CDK8: variants seen among roughly 807,000 people sequenced by gnomAD.
CDK8 encodes the protein cyclin dependent kinase 8, also known as cyclin-dependent kinase 8.
In CDK8, 29 loss-of-function variants were observed where a neutral mutation model predicts 71.5. The observed-to-expected ratio is 0.41, with a 90% CI of 0.30 to 0.55. CDK8 has a LOEUF of 0.55. Ranked by LOEUF, CDK8 falls within the 20% of genes least tolerant of loss-of-function variation. CDK8 has a pLI of 0.37. For synonymous variants in CDK8, 161 were observed against 192.1 expected (o/e 0.84, Z 1.34); for missense variants, 288 against 572.6 (o/e 0.50, Z 5.07).
intron 1 of CDK8, among the ~76,000 whole-genome samples, chr13:26,304,627 GTTTTA>G (rs1404070491): frequency 4.0e-5 from 6 of 151,652 alleles, no homozygotes; most frequent in Non-Finnish European, 8.8e-5. Flanking sequence ...TGACAATTAT[GTTTTA>G]TTTTATTTTA....
intron 2 of CDK8, among the ~76,000 whole-genome samples, chr13:26,346,266 A>G (rs1383330541): frequency 6.6e-6 from 1 of 152,336 alleles, no homozygotes; most frequent in African/African-American, 2.4e-5. Context: ...GCCTAGTACC[A>G]TACTTGGCAT....
chr13:26,312,706 G>A lies in CDK8; in HGVS notation c.129-24861G>A, dbSNP rs187341537. Among the ~76,000 whole-genome samples, 31 of 152,316 alleles carry A rather than the reference G, an allele frequency of 2.0e-4. No individual in the cohort carries two copies. In the East Asian group the frequency reaches 4.8e-3, roughly 24 times the overall value. ...CAGCGAGACCAAGAACCCACCAGAA[G>A]GAACCAATTCCGGGCACAGAGGGGT... On this transcript the variant is annotated intron_variant, in intron 1 of 12. Transcript: ENST00000381527.
chr13:26,336,577 G>A (rs1236090367), intron 1 of CDK8, among the ~76,000 whole-genome samples: 3 of 130,676 alleles, frequency 2.3e-5, no homozygotes, highest in African/African-American at 6.5e-5. Flanking sequence ...TTTTTGAGAC[G>A]GAGTCTCGCT....
chr13:26,350,920 T>C (rs1271058719), intron 3 of CDK8, among the ~76,000 whole-genome samples: 1 of 152,102 alleles, frequency 6.6e-6, no homozygotes, highest in Non-Finnish European at 1.5e-5. Flanking sequence ...AACTATAAAA[T>C]TTGCTCTTTT....
rs558813688 is a variant in CDK8 at position 26,403,558 on chromosome 13, G to A, written c.1270-398G>A. On this transcript the variant is annotated intron_variant, in intron 12 of 12. Transcript: ENST00000381527. ...ATACTCACTTTTACTCTTCAGTCAT[G>A]TGTGTGGGGGTGAGTTTTCTACTGA... Among the ~76,000 whole-genome samples the A allele has an allele frequency of 3.0e-4, 45 of 152,248 alleles. No homozygotes were observed. The South Asian group carries it at 8.9e-3, about 30-fold the overall frequency.
intron 4 of CDK8, chr13:26,359,723 TC>T: frequency 2.3e-6 from 1 of 438,040 alleles, no homozygotes; most frequent in South Asian, 1.6e-5. Flanking sequence ...TTTCTTCTTT[TC>T]TTTTTTTTGA....
chr13:26,284,151 A>G (rs1327672288), intron 1 of CDK8, among the ~76,000 whole-genome samples: 5 of 152,226 alleles, frequency 3.3e-5, no homozygotes, highest in Admixed American at 2.6e-4. Flanking sequence ...GGTGCTGAGA[A>G]GAAAGGTCAT....
intron 1 of CDK8, among the ~76,000 whole-genome samples, chr13:26,259,002 G>T (rs577774116): frequency 6.6e-6 from 1 of 152,236 alleles, no homozygotes; most frequent in South Asian, 2.1e-4. Flanking sequence ...CCATTCAGTT[G>T]GTGGGCAGCA....
intron 1 of CDK8, among the ~76,000 whole-genome samples, chr13:26,276,878 C>T (rs1872579838): frequency 6.6e-6 from 1 of 152,140 alleles, no homozygotes; most frequent in Non-Finnish European, 1.5e-5. Context: ...AATATGCTGA[C>T]TAAATTCAAT....
chr13:26,273,703 T>C (rs1178103258), intron 1 of CDK8, among the ~76,000 whole-genome samples: 7 of 151,952 alleles, frequency 4.6e-5, no homozygotes, highest in African/African-American at 1.7e-4. Context: ...TTGTACTAAA[T>C]AGCTAGGTCT....
chr13:26,353,820 A>G lies in CDK8; in HGVS notation c.396A>G (p.Leu132=), dbSNP rs1873781575. 2 of 1,612,720 alleles carry G rather than the reference A, an allele frequency of 1.2e-6. No homozygotes were observed. Among genetic ancestry groups the G allele is most frequent in the South Asian group, 1.1e-5 (1 of 91,060 alleles). ...CTCGGGGAATGGTGAAGTCACTATT[A>G]TATCAGATCCTAGATGGTATTCACT... The part of the protein sequence containing the change: ...QLPRGMVKSL[L]YQILDGIHYL... Residue 132 remains leucine (L), a synonymous_variant, in exon 4 of 13, where the codon TTA becomes TTG. Coordinates refer to ENST00000381527, the MANE Select transcript of CDK8 (RefSeq NM_001260.3).
intron 1 of CDK8, among the ~76,000 whole-genome samples, chr13:26,294,271 T>C (rs1873439822): frequency 6.6e-6 from 1 of 151,924 alleles, no homozygotes; most frequent in South Asian, 2.1e-4. Context: ...GTTGGGATTA[T>C]AGGCATGAGC....
At chr13:26,366,580 T>G (rs1874400016) in intron 4 of CDK8, among the ~76,000 whole-genome samples, 1 of 152,194 alleles carries the variant, frequency 6.6e-6, no homozygotes, top group Admixed American at 6.5e-5. Flanking sequence ...TATTTAATTT[T>G]TATAACTTGC....
intron 1 of CDK8, among the ~76,000 whole-genome samples, chr13:26,321,774 G>A (rs1441373195): frequency 6.6e-6 from 1 of 151,386 alleles, no homozygotes; most frequent in African/African-American, 2.4e-5. Context: ...TCTTTATGTA[G>A]CTTTATGTCT....
intron 1 of CDK8, among the ~76,000 whole-genome samples, chr13:26,267,996 C>T (rs980357540): frequency 6.6e-6 from 1 of 152,096 alleles, no homozygotes; most frequent in Admixed American, 6.5e-5. Context: ...TGGTAACAAC[C>T]CTAGCAGATC....
intron 4 of CDK8, among the ~76,000 whole-genome samples, chr13:26,358,448 A>G (rs1453903498): frequency 6.6e-6 from 1 of 152,184 alleles, no homozygotes; most frequent in Non-Finnish European, 1.5e-5. Flanking sequence ...AAGGCATTCT[A>G]AGAATTTTTA....
In CDK8 at chr13:26,401,967, A is replaced by G. The variant is rs1384440564; in HGVS notation, c.1269+343A>G. Among the ~76,000 whole-genome samples the G allele has an allele frequency of 6.6e-6, 1 of 152,242 alleles. No individual in the cohort carries two copies. Among genetic ancestry groups the G allele is most frequent in the East Asian group, 1.9e-4 (1 of 5,190 alleles). On this transcript the variant is annotated intron_variant, in intron 12 of 12. Coordinates refer to ENST00000381527, the MANE Select transcript of CDK8 (RefSeq NM_001260.3). The surrounding 1 kb of genome is among the most constrained non-coding windows in gnomAD (Gnocchi z 4.5). ...CAGATTAGACATGAAGTGGCTTGAC[A>G]CCTAGCTTATGGTAGGAGCTTGATA...
intron 6 of CDK8, among the ~76,000 whole-genome samples, chr13:26,392,561 C>T (rs150129422): frequency 2.0e-3 from 301 of 152,146 alleles, no homozygotes; most frequent in African/African-American, 6.9e-3. Flanking sequence ...TTCCTGACCT[C>T]GTGATCCGTC....
intron 1 of CDK8, among the ~76,000 whole-genome samples, chr13:26,317,780 G>A (rs1874581164): frequency 6.6e-6 from 1 of 152,070 alleles, no homozygotes; most frequent in Non-Finnish European, 1.5e-5. Flanking sequence ...AAACTTATGG[G>A]ACACAGCAAA....
Sources: allele counts gnomAD v4.1 joint callset (sites outside exome capture counted in the v4.1 genomes callset), GRCh38; gene constraint gnomAD v4.1.1; non-coding constraint Gnocchi (gnomAD v3.1); transcripts MANE v1.5; gene names NCBI Gene and HGNC (gene_info 2026-07-23, HGNC 2026-07-21).